SASH1: variants seen among roughly 807,000 people sequenced by gnomAD.
SASH1 encodes SAM and SH3 domain-containing protein 1.
Under a neutral mutation model 125.2 loss-of-function variants are expected in SASH1, and 44 were observed. The ratio of observed to expected loss-of-function variants is 0.35; its 90% CI spans 0.28 to 0.45. SASH1 has a LOEUF of 0.45. Among genes scored for constraint, SASH1 ranks in the 20% least tolerant of loss-of-function variants. The pLI, the probability that SASH1 is intolerant of heterozygous loss-of-function variation, is 1.00. For synonymous variants in SASH1, 639 were observed against 649.1 expected, an observed-to-expected ratio of 0.98 and a Z score of 0.24; for missense variants, 1,426 against 1,614.5, an observed-to-expected ratio of 0.88 and a Z score of 2.00.
chr6:148,529,551 A>G lies in SASH1; in HGVS notation c.1428+1955A>G, dbSNP rs1395666395. ...TATTAAGTTTGCTTTTCCCCAAGAT[A>G]GATTGAAACAGCCACTAAAACTCTT... On this transcript the variant is annotated intron_variant, in intron 12 of 19. Transcript: ENST00000367467. This position sits in a 1 kb window ranked among gnomAD's most constrained non-coding sequence, Gnocchi z 4.2. 6.7e-6 allele frequency among the ~76,000 whole-genome samples: 1 copy of G among 148,730 alleles called. No individual in the cohort carries two copies. The highest frequency in any genetic ancestry group is 1.5e-5 in the Non-Finnish European group (1 of 67,272).
At chr6:148,306,468 A>T (rs1210969419) in intron 1 of SASH1, among the ~76,000 whole-genome samples, 1 of 152,138 alleles carries the variant, frequency 6.6e-6, no homozygotes, top group Non-Finnish European at 1.5e-5. Context: ...ACCCACTGCC[A>T]CTTCCTCTAT....
chr6:148,451,208 G>A (rs984601409), intron 4 of SASH1, among the ~76,000 whole-genome samples: 1 of 152,194 alleles, frequency 6.6e-6, no homozygotes, highest in Non-Finnish European at 1.5e-5. Context: ...TTCACTGAAT[G>A]CCCCTAGTTA....
chr6:148,506,098 T>C (rs2115289684), intron 8 of SASH1, among the ~76,000 whole-genome samples: 1 of 152,162 alleles, frequency 6.6e-6, no homozygotes, highest in African/African-American at 2.4e-5. Context: ...TGGTCTTTGC[T>C]ATTTACACAG....
chr6:148,349,965 C>T (rs1467075769), intron 1 of SASH1, among the ~76,000 whole-genome samples: 1 of 151,986 alleles, frequency 6.6e-6, no homozygotes, highest in Non-Finnish European at 1.5e-5. Context: ...CCTGCCTCAG[C>T]CTCCTGCGCA....
chr6:148,216,183 C>T, the SASH1 span, among the ~76,000 whole-genome samples: 4 of 152,108 alleles, frequency 2.6e-5, no homozygotes, highest in African/African-American at 9.7e-5. Flanking sequence ...CCAGCAATAC[C>T]TTCTAATATG....
At chr6:148,294,484 C>T (rs777829850) in intron 1 of SASH1, among the ~76,000 whole-genome samples, 1 of 152,148 alleles carries the variant, frequency 6.6e-6, no homozygotes, top group African/African-American at 2.4e-5. Flanking sequence ...TAGTAATAGG[C>T]CCTTTCTCAC....
chr6:148,446,329 T>G (rs369160282), intron 4 of SASH1, among the ~76,000 whole-genome samples: 5 of 151,960 alleles, frequency 3.3e-5, no homozygotes, highest in Non-Finnish European at 7.4e-5. Flanking sequence ...AGGATGGTCT[T>G]GATCTCCTGA....
At chr6:148,201,821 A>C in the SASH1 span, among the ~76,000 whole-genome samples, 1 of 152,198 alleles carries the variant, frequency 6.6e-6, no homozygotes, top group African/African-American at 2.4e-5. Context: ...GGAGGCCACA[A>C]AAATAAAAGA....
the SASH1 span, among the ~76,000 whole-genome samples, chr6:148,228,049 C>CAGACTGGTTTGAAAACTGTA: frequency 3.3e-5 from 5 of 152,170 alleles, no homozygotes; most frequent in Non-Finnish European, 7.3e-5. Context: ...CAAGCTAGTA[C>CAGACTGGTTTGAAAACTGTA]AGACTGGTTT....
chr6:148,418,894 A>C (rs561157627), intron 2 of SASH1, among the ~76,000 whole-genome samples: 1 of 152,178 alleles, frequency 6.6e-6, no homozygotes, highest in South Asian at 2.1e-4. Flanking sequence ...TCAGATCATA[A>C]CTTTGAAAGC....
chr6:148,306,852 G>A (rs1359420612), intron 1 of SASH1, among the ~76,000 whole-genome samples: 1 of 152,082 alleles, frequency 6.6e-6, no homozygotes, highest in Non-Finnish European at 1.5e-5. Context: ...ACAGGAATGG[G>A]AATGTACCTC....
rs560807407 is a variant in SASH1, at chr6:148,358,668, T to G, written c.156+15445T>G. Among the ~76,000 whole-genome samples the G allele has an allele frequency of 2.6e-5, 4 of 152,146 alleles. No homozygotes were observed. The South Asian group carries it at 8.3e-4, about 32-fold the overall frequency. On this transcript the variant is annotated intron_variant, in intron 1 of 19. Transcript: ENST00000367467. ...TACCTTTATTGTTTTGCGTTAAATT[T>G]AAGTCACCCCTCCTTAGATGCTTGG...
At chr6:148,389,950 G>A (rs1783630659) in intron 1 of SASH1, among the ~76,000 whole-genome samples, 184 bp from the exon 2 acceptor site, 1 of 152,220 alleles carries the variant, frequency 6.6e-6, no homozygotes, top group Admixed American at 6.5e-5. Context: ...GGAAAAAACA[G>A]GCCCCTGTCA....
chr6:148,208,400 A>G, the SASH1 span, among the ~76,000 whole-genome samples: 1 of 152,204 alleles, frequency 6.6e-6, no homozygotes, highest in Non-Finnish European at 1.5e-5. Context: ...TACAGCAGCC[A>G]TTTGTCACCC....
At chr6:148,511,996 G>T (rs1205334991) in intron 8 of SASH1, among the ~76,000 whole-genome samples, 1 of 119,248 alleles carries the variant, frequency 8.4e-6, no homozygotes, top group African/African-American at 2.9e-5. Context: ...ATTTTCATTT[G>T]ATTTCAACAT....
At chr6:148,540,199 AACTT>A (rs1782133356) in intron 16 of SASH1, among the ~76,000 whole-genome samples, 1 of 152,172 alleles carries the variant, frequency 6.6e-6, no homozygotes, top group Non-Finnish European at 1.5e-5. Context: ...TCGCATAACT[AACTT>A]AAAAGGTGTC....
At chr6:148,326,349 T>TGC (rs1554235310) in intron 1 of SASH1, among the ~76,000 whole-genome samples, 5 of 86,586 alleles carry the variant, frequency 5.8e-5, no homozygotes, top group African/African-American at 2.2e-4. Context: ...TATATATATA[T>TGC]ATATATATGC....
chr6:148,211,522 G>C, the SASH1 span, among the ~76,000 whole-genome samples: 5 of 151,160 alleles, frequency 3.3e-5, no homozygotes, highest in African/African-American at 1.2e-4. Flanking sequence ...AGTGAGCCAA[G>C]ATTGTGCCAC....
At chr6:148,247,985 C>A in the SASH1 span, among the ~76,000 whole-genome samples, 2 of 152,120 alleles carry the variant, frequency 1.3e-5, no homozygotes, top group African/African-American at 4.8e-5. Context: ...TAGACATTGG[C>A]ATATATTTAT....
Sources: gnomAD v4.1 joint callset for allele counts (sites outside exome capture counted in the v4.1 genomes callset) on GRCh38, gnomAD v4.1.1 for gene constraint, Gnocchi (gnomAD v3.1) non-coding constraint, MANE v1.5 for transcripts, NCBI Gene and HGNC (gene_info 2026-07-23, HGNC 2026-07-21) for gene names.